Variants in ABCB9 observed in about 807,000 individuals in gnomAD.
ABCB9 encodes the protein ABC-type oligopeptide transporter ABCB9.
ABCB9 carries 36 observed loss-of-function variants against 62.0 expected under a neutral mutation model. That is an observed-to-expected ratio of 0.58 (90% CI 0.45 to 0.77). ABCB9 has a LOEUF of 0.77. Ranked by LOEUF, ABCB9 falls within the 30% of genes least tolerant of loss-of-function variation. The pLI, the probability that ABCB9 is intolerant of heterozygous loss-of-function variation, is 0.00. For missense variants in ABCB9, 943 were observed against 1,054.7 expected (o/e 0.89, Z 1.47); for synonymous variants, 435 against 461.4 (o/e 0.94, Z 0.73).
Position 122,959,798 on chromosome 12 carries a change from G to A in ABCB9, c.438C>T (p.Ala146=). The part of the protein sequence containing the change: ...LLSTVRPGTQ[A]LEPGAATEAE... ...CCTCGGTGGCCGCCCCTGGCTCCAG[G>A]GCCTGGGTGCCTGGCCGCACGGTGG... The change falls in exon 2 of 12, where the codon GCC becomes GCT. Residue 146 remains alanine (A), a synonymous_variant. Coordinates refer to ENST00000280560, the MANE Select transcript of ABCB9 (RefSeq NM_019625.4). The surrounding 1 kb of genome is among the most constrained non-coding windows in gnomAD (Gnocchi z 5.4). 6.2e-7 allele frequency: 1 copy of A among 1,612,154 alleles called. No homozygotes were observed.
chr12:122,962,431 T>A (rs2036952944), intron 1 of ABCB9, among the ~76,000 whole-genome samples: 1 of 152,104 alleles, frequency 6.6e-6, no homozygotes, highest in Non-Finnish European at 1.5e-5. Flanking sequence ...GAAGGGGCCA[T>A]CCTGAGAGAG....
intron 10 of ABCB9, among the ~76,000 whole-genome samples, chr12:122,934,959 C>A (rs1336741681): frequency 6.6e-6 from 1 of 152,136 alleles, no homozygotes; most frequent in African/African-American, 2.4e-5. Context: ...CCGCCTCCAC[C>A]TCCTCCCCCT....
chr12:122,935,153 C>T lies in ABCB9; in HGVS notation c.1903+119G>A, dbSNP rs910111632. 26 of 1,243,474 alleles carry T rather than the reference C, an allele frequency of 2.1e-5. No individual in the cohort carries two copies. In the East Asian group the frequency reaches 4.1e-4, roughly 19 times the overall value. 77.0% of individuals were successfully genotyped at this position (1,243,474 alleles called of 1,614,324 possible). On this transcript the variant is annotated intron_variant, in intron 10 of 11. Coordinates refer to ENST00000280560, the MANE Select transcript of ABCB9 (RefSeq NM_019625.4). Reference sequence around the variant, plus strand: ...TTCGAGTCTGGCCAGGGTAACGTAGCGGGACCCCATCTCTACAAAAAAAAG... The same window carrying T: ...TTCGAGTCTGGCCAGGGTAACGTAGTGGGACCCCATCTCTACAAAAAAAAG...
At chr12:122,963,090 G>A (rs558862108) in intron 1 of ABCB9, among the ~76,000 whole-genome samples, 8 of 152,172 alleles carry the variant, frequency 5.3e-5, no homozygotes, top group Non-Finnish European at 8.8e-5. Context: ...TTGAGCTCAC[G>A]AGTTCGATTC....
chr12:122,941,381 C>G (rs1225590969), intron 7 of ABCB9, among the ~76,000 whole-genome samples: 1 of 149,924 alleles, frequency 6.7e-6, no homozygotes, highest in African/African-American at 2.5e-5. Context: ...GCAATCTTGG[C>G]TCACTGCACC....
chr12:122,922,351 T>C (rs2034768607), intron 11 of ABCB9, among the ~76,000 whole-genome samples: 1 of 152,178 alleles, frequency 6.6e-6, no homozygotes, highest in African/African-American at 2.4e-5. Flanking sequence ...TTGAGTCTTT[T>C]TAATTTTTTT....
rs368089281 is a variant in ABCB9, at chr12:122,923,494, T to G, written c.2041-2451A>C. ...TTAGTAGAGACGGGGTTTCACTGTG[T>G]TAGCCAGGATGGTCTCCATCTCCTG... On this transcript the variant is annotated intron_variant, in intron 11 of 11. Coordinates refer to the ABCB9 transcript ENST00000344275. Among the ~76,000 whole-genome samples the G allele has an allele frequency of 5.6e-3, 846 of 152,192 alleles. 5 individuals carry two copies. Among genetic ancestry groups the G allele is most frequent in the African/African-American group, 0.02 (819 of 41,518 alleles).
upstream of ABCB9, among the ~76,000 whole-genome samples, chr12:122,968,942 C>T (rs536184594): frequency 3.5e-4 from 54 of 152,254 alleles, no homozygotes; most frequent in African/African-American, 1.3e-3. Context: ...AGCTTGTCAC[C>T]TCTGCCAAGG....
Position 122,935,329 on chromosome 12 carries a change from C to T in ABCB9, c.1846G>A (p.Ala616Thr), listed in dbSNP as rs757258308. The T allele has an allele frequency of 4.6e-5, 75 of 1,613,588 alleles. No homozygotes were observed. In the Admixed American group the frequency reaches 1.1e-3, roughly 23 times the overall value. The change falls in exon 10 of 12, where the codon GCA (alanine) becomes ACA (threonine). Residue 616 changes from alanine to threonine, a missense_variant. Transcript: ENST00000280560. Reference sequence around the variant, plus strand: ...AAGCCGTGGGCATTGGCCTTCTGTGCGGCCTCCACCACCATCTCGAAAGGC... The same window carrying T: ...AAGCCGTGGGCATTGGCCTTCTGTGTGGCCTCCACCACCATCTCGAAAGGC... ...TVPFEMVVEA[A>T]QKANAHGFIM...
At chr12:122,971,809 G>C (rs1459881578) in intron 1 of ABCB9, among the ~76,000 whole-genome samples, 3 of 152,074 alleles carry the variant, frequency 2.0e-5, no homozygotes, top group Non-Finnish European at 4.4e-5. Context: ...TGATAATGAG[G>C]TGTCAGTGTG....
Position 122,929,144 on chromosome 12 carries a change from G to A in ABCB9, c.*767C>T, listed in dbSNP as rs889787941. On this transcript the variant is annotated 3_prime_UTR_variant, in exon 12 of 12. Transcript: ENST00000280560. This position sits in a 1 kb window ranked among gnomAD's most constrained non-coding sequence, Gnocchi z 6.0. Reference sequence around the variant, plus strand: ...ACATCCACGTGGCCTCCAGACAGCAGAGCACAGGGGCGGGTGTGGGGAGGG... The same window carrying A: ...ACATCCACGTGGCCTCCAGACAGCAAAGCACAGGGGCGGGTGTGGGGAGGG... 1.0e-6 allele frequency: 1 copy of A among 978,174 alleles called. No homozygotes were observed. The highest frequency in any genetic ancestry group is 1.2e-6 in the Non-Finnish European group (1 of 823,594). 60.6% of individuals were successfully genotyped at this position (978,174 alleles called of 1,614,324 possible). A position where few individuals can be genotyped will look rare whatever the true frequency, so the allele number is the denominator to read the frequency against.
intron 4 of ABCB9, among the ~76,000 whole-genome samples, 156 bp downstream of exon 4, chr12:122,949,632 A>G (rs530477884): frequency 9.8e-5 from 15 of 152,322 alleles, no homozygotes; most frequent in Non-Finnish European, 1.8e-4. Flanking sequence ...CCCAGGACAC[A>G]GGCCAAGCCC....
At position 122,944,371 on chromosome 12, in the gene ABCB9, C is replaced by T. The variant is rs548886849; in HGVS notation, c.1380+20G>A. ...AACTCCTCCCTTCTCTCTGGATCCC[C>T]GGACACACTGGCCTCTCACCTCCAT... On this transcript the variant is annotated intron_variant, in intron 7 of 11. Coordinates refer to ENST00000280560, the MANE Select transcript of ABCB9 (RefSeq NM_019625.4). The surrounding 1 kb of genome is among the most constrained non-coding windows in gnomAD (Gnocchi z 4.9). 5 of 1,608,234 alleles carry T rather than the reference C, an allele frequency of 3.1e-6. No individual in the cohort carries two copies. The highest frequency in any genetic ancestry group is 2.2e-5 in the South Asian group (2 of 90,556).
At chr12:122,934,089 C>CA (rs1405690991) in intron 10 of ABCB9, among the ~76,000 whole-genome samples, 6 of 150,984 alleles carry the variant, frequency 4.0e-5, no homozygotes, top group Middle Eastern at 7.0e-3. Flanking sequence ...ACTAACAATA[C>CA]AAAAAAAAAT....
intron 5 of ABCB9, 71 bp downstream of exon 5, chr12:122,948,553 G>A (rs550387568): frequency 2.8e-6 from 4 of 1,416,972 alleles, no homozygotes; most frequent in Admixed American, 2.6e-5. Flanking sequence ...GTGGCCCCCT[G>A]AGCCCCTCCT....
chr12:122,924,770 G>C (rs576107320), downstream of ABCB9: 2 of 1,534,606 alleles, frequency 1.3e-6, no homozygotes, highest in African/African-American at 2.7e-5. Context: ...TGTTCCCAAA[G>C]CCCTCGACTG....
chr12:122,943,597 G>A (rs1199579956), intron 7 of ABCB9, among the ~76,000 whole-genome samples: 1 of 152,074 alleles, frequency 6.6e-6, no homozygotes, highest in Non-Finnish European at 1.5e-5. Flanking sequence ...CCTAAAGGGT[G>A]TTGCTGTCAC....
At position 122,940,335 on chromosome 12, in the gene ABCB9, A is replaced by G. The variant is rs2035691495; in HGVS notation, c.1570-51T>C. 1 of 1,513,916 alleles carries G rather than the reference A, an allele frequency of 6.6e-7. No individual in the cohort carries two copies. Among genetic ancestry groups the G allele is most frequent in the Non-Finnish European group, 8.9e-7 (1 of 1,129,170 alleles). The allele number at this position is 1,513,916 out of a possible 1,614,324, so 93.8% of individuals were successfully genotyped here. ...CGGGGTTATCGGCTCAGGTCCCAGG[A>G]CTGGATGCCCTGACCTTGGACACAG... On this transcript the variant is annotated intron_variant, in intron 8 of 11. Transcript: ENST00000280560. This position sits in a 1 kb window ranked among gnomAD's most constrained non-coding sequence, Gnocchi z 4.8.
chr12:122,968,867 G>A (rs1040232215), upstream of ABCB9, among the ~76,000 whole-genome samples: 6 of 152,050 alleles, frequency 3.9e-5, no homozygotes, highest in African/African-American at 1.2e-4. Context: ...CACCCACCTT[G>A]GCCTCCCACG....
Sources: gnomAD v4.1 joint callset for allele counts (sites outside exome capture counted in the v4.1 genomes callset) on GRCh38, gnomAD v4.1.1 for gene constraint, Gnocchi (gnomAD v3.1) non-coding constraint, MANE v1.5 for transcripts, NCBI Gene and HGNC (gene_info 2026-07-23, HGNC 2026-07-21) for gene names.